The following SNX14 variants were observed in gnomAD, a reference collection of about 807,000 sequenced individuals.
The protein encoded by SNX14 is sorting nexin 14.
SNX14 carries 93 observed loss-of-function variants against 133.8 expected under a neutral mutation model. The ratio of observed to expected loss-of-function variants is 0.70; its 90% confidence interval spans 0.59 to 0.83. SNX14 has a LOEUF of 0.83. Ranked by LOEUF, SNX14 falls within the 40% of genes least tolerant of loss-of-function variation. The pLI is 0.00. For missense variants in SNX14, 945 were observed against 1,094.9 expected (o/e 0.86, Z 1.93); for synonymous variants, 368 against 365.6 (o/e 1.01, Z -0.07).
intron 21 of SNX14, among the ~76,000 whole-genome samples, chr6:85,520,919 C>T (rs904957330): frequency 3.9e-5 from 6 of 152,170 alleles, no homozygotes; most frequent in Non-Finnish European, 8.8e-5. Flanking sequence ...AAGAACTCTA[C>T]TATGAACGTT....
At chr6:85,593,122 G>A (rs1216696735) in intron 1 of SNX14, among the ~76,000 whole-genome samples, 1 of 152,188 alleles carries the variant, frequency 6.6e-6, no homozygotes, top group South Asian at 2.1e-4. Flanking sequence ...TGCGGGAAAA[G>A]CTTCAGCTGC....
chr6:85,508,427 TGTAC>T, intron 26 of SNX14: 2 of 942,924 alleles, frequency 2.1e-6, no homozygotes, highest in Non-Finnish European at 2.5e-6. Flanking sequence ...TTTGTACATC[TGTAC>T]ATACATGTAT....
intron 1 of SNX14, among the ~76,000 whole-genome samples, chr6:85,578,597 T>A (rs1199766862): frequency 6.6e-6 from 1 of 151,496 alleles, no homozygotes; most frequent in Non-Finnish European, 1.5e-5. Flanking sequence ...GACAGGCGAG[T>A]AGAATGGAAG....
chr6:85,516,465 C>T (rs1329180675), intron 23 of SNX14, among the ~76,000 whole-genome samples: 1 of 151,966 alleles, frequency 6.6e-6, no homozygotes, highest in Non-Finnish European at 1.5e-5. Context: ...ACAAACAAAA[C>T]TGGAGGCCTA....
At chr6:85,538,296 C>G (rs898064326) in intron 16 of SNX14, among the ~76,000 whole-genome samples, 8 of 151,872 alleles carry the variant, frequency 5.3e-5, no homozygotes, top group African/African-American at 1.9e-4. Context: ...ATTGTAGACA[C>G]AATTGTCCTT....
In SNX14 at chr6:85,513,783, C is replaced by T; in HGVS notation, c.2653+17G>A. On this transcript the variant is annotated intron_variant, in intron 26 of 28. Transcript: ENST00000314673. ...TGCTAATCTATATGAAATTAAGTTA[C>T]TTCTTAAATATTACACCTGGAATGT... 1 of 1,566,960 alleles carries T rather than the reference C, an allele frequency of 6.4e-7. No homozygotes were observed. The highest frequency in any genetic ancestry group is 8.8e-7 in the Non-Finnish European group (1 of 1,141,278).
At chr6:85,578,454 G>C (rs570834997) in intron 1 of SNX14, among the ~76,000 whole-genome samples, 43 of 152,232 alleles carry the variant, frequency 2.8e-4, no homozygotes, top group African/African-American at 9.1e-4. Context: ...GGGGTATCCT[G>C]GGGAACTGCT....
At chr6:85,589,225 CTT>C (rs34164476) in intron 1 of SNX14, 1,491 of 130,792 alleles carry the variant, frequency 0.011, no homozygotes, top group South Asian at 0.035. Flanking sequence ...TCTGGCACCA[CTT>C]TTTTTTTTTT....
intron 6 of SNX14, among the ~76,000 whole-genome samples, chr6:85,561,951 T>G (rs1035736336): frequency 1.3e-5 from 2 of 152,090 alleles, no homozygotes; most frequent in Admixed American, 6.6e-5. Flanking sequence ...GTCACCCAAG[T>G]AATGAGCACA....
chr6:85,592,806 G>A (rs1803243759), intron 1 of SNX14, among the ~76,000 whole-genome samples: 1 of 149,040 alleles, frequency 6.7e-6, no homozygotes, highest in Admixed American at 6.7e-5. Context: ...TGGCTAAAAC[G>A]GTGAAACCCC....
chr6:85,586,518 T>C (rs1215973916), intron 1 of SNX14, among the ~76,000 whole-genome samples: 1 of 152,232 alleles, frequency 6.6e-6, no homozygotes, highest in Non-Finnish European at 1.5e-5. Context: ...AGTTATTAGA[T>C]GATATTAACC....
At chr6:85,555,975 C>T (rs1022844495) in intron 7 of SNX14, among the ~76,000 whole-genome samples, 6 of 150,288 alleles carry the variant, frequency 4.0e-5, no homozygotes, top group Admixed American at 2.7e-4. Flanking sequence ...GCAACTAGAG[C>T]GAAACTGCGT....
Position 85,547,174 on chromosome 6 carries a change from C to T in SNX14, c.1046G>A (p.Arg349His), listed in dbSNP as rs756992181. Residue 349 changes from arginine to histidine, a missense_variant, in exon 12 of 29, where the codon CGT (arginine) becomes CAT (histidine). By Grantham distance (29) the Arg-to-His change is conservative (BLOSUM62 0). Around this residue, in one of 3 missense-constraint regions of SNX14, gnomAD observed 514 missense variants for 538.8 expected, o/e 0.95. Transcript: ENST00000314673. ...QIREQQDLLF[R>H]FMNFLKQEGA... ...TTCTTGTTTCAGAAAGTTCATAAAACGAAATAAAAGATCTTGTTGCTCTCT... is the reference window on the plus strand; with the variant it reads ...TTCTTGTTTCAGAAAGTTCATAAAATGAAATAAAAGATCTTGTTGCTCTCT... The T allele has an allele frequency of 6.8e-6, 11 of 1,613,884 alleles. No individual in the cohort carries two copies. The highest frequency in any genetic ancestry group is 1.6e-4 in the Middle Eastern group (1 of 6,062).
intron 21 of SNX14, among the ~76,000 whole-genome samples, chr6:85,519,240 G>A (rs1489945890): frequency 6.6e-6 from 1 of 152,176 alleles, no homozygotes; most frequent in Non-Finnish European, 1.5e-5. Flanking sequence ...GTATTGATTT[G>A]GGTGGGGGTG....
At chr6:85,580,052 A>G (rs1798566208) in intron 1 of SNX14, among the ~76,000 whole-genome samples, 1 of 152,230 alleles carries the variant, frequency 6.6e-6, no homozygotes, top group South Asian at 2.1e-4. Context: ...AGTCCCAGGC[A>G]GTGCAGCTTG....
chr6:85,555,016 A>G (rs1311533695), intron 7 of SNX14, among the ~76,000 whole-genome samples: 1 of 151,890 alleles, frequency 6.6e-6, no homozygotes, highest in Non-Finnish European at 1.5e-5. Context: ...GAGACAGGGT[A>G]TCACTATGTT....
chr6:85,534,578 T>C (rs1744798976), intron 17 of SNX14, among the ~76,000 whole-genome samples: 1 of 152,180 alleles, frequency 6.6e-6, no homozygotes, highest in Non-Finnish European at 1.5e-5. Context: ...AGAATTTCCT[T>C]CTTCCTTGGG....
chr6:85,563,882 A>G (rs1056423943), intron 6 of SNX14, among the ~76,000 whole-genome samples: 17 of 151,954 alleles, frequency 1.1e-4, no homozygotes, highest in Non-Finnish European at 1.9e-4. Flanking sequence ...TTAACTAGTC[A>G]TTTACATTAG....
At chr6:85,535,316 A>G (rs544614156) in intron 17 of SNX14, among the ~76,000 whole-genome samples, 1 of 151,878 alleles carries the variant, frequency 6.6e-6, no homozygotes, top group East Asian at 1.9e-4. Context: ...CACCCAGCAT[A>G]AAACTACCCA....
Sources: gnomAD v4.1 joint callset for allele counts (sites outside exome capture counted in the v4.1 genomes callset) on GRCh38, gnomAD v4.1.1 for gene constraint, gnomAD v4.1.1 regional missense constraint, MANE v1.5 for transcripts, NCBI Gene and HGNC (gene_info 2026-07-23, HGNC 2026-07-21) for gene names.